Variants in SPRED2 observed in about 807,000 individuals in gnomAD.
SPRED2 encodes sprouty related EVH1 domain containing 2, also known as sprouty-related, EVH1 domain-containing protein 2.
A neutral mutation model predicts 43.0 loss-of-function variants in SPRED2; 47 were observed. The observed-to-expected ratio is 1.09, with a 90% CI of 0.87 to 1.40. SPRED2 has a LOEUF of 1.40. SPRED2 is among the 40% of genes most tolerant of loss of function. The pLI is 0.00. For synonymous variants in SPRED2, 225 were observed against 225.7 expected, an observed-to-expected ratio of 1.00 and a Z score of 0.03; for missense variants, 561 against 586.4, an observed-to-expected ratio of 0.96 and a Z score of 0.45.
At chr2:65,339,450 A>G (rs1194920084) in intron 2 of SPRED2, among the ~76,000 whole-genome samples, 3 of 151,378 alleles carry the variant, frequency 2.0e-5, no homozygotes, top group Non-Finnish European at 4.4e-5. Context: ...TCTCTGAAAC[A>G]TGTGCTGTGT....
intron 1 of SPRED2, among the ~76,000 whole-genome samples, chr2:65,407,707 C>T (rs141543982): frequency 1.1e-4 from 17 of 152,224 alleles, no homozygotes; most frequent in African/African-American, 3.9e-4. Flanking sequence ...CGTGGAGACG[C>T]GGTATCCACT....
At chr2:65,380,210 T>C (rs1306767496) in intron 1 of SPRED2, among the ~76,000 whole-genome samples, 2 of 152,344 alleles carry the variant, frequency 1.3e-5, no homozygotes, top group East Asian at 1.9e-4. Flanking sequence ...TCTCTGTTAC[T>C]GGTCCCATTT....
At position 65,313,428 on chromosome 2, in the gene SPRED2, G is replaced by C; in HGVS notation, c.*73C>G. On this transcript the variant is annotated 3_prime_UTR_variant, in exon 6 of 6. Transcript: ENST00000356388. Reference sequence around the variant, plus strand: ...GCTCCTTGGAGTGGAAGGGAGCGGGGGAGAAGATGAGAGTATGTAAGAGAC... The same window carrying C: ...GCTCCTTGGAGTGGAAGGGAGCGGGCGAGAAGATGAGAGTATGTAAGAGAC... 1 of 1,527,832 alleles carries C rather than the reference G, an allele frequency of 6.5e-7. No individual in the cohort carries two copies. Among genetic ancestry groups the C allele is most frequent in the Non-Finnish European group, 8.8e-7 (1 of 1,141,582 alleles). The allele number at this position is 1,527,832 out of a possible 1,614,324, so 94.6% of individuals were successfully genotyped here.
intron 1 of SPRED2, among the ~76,000 whole-genome samples, chr2:65,368,137 T>C (rs1675032014): frequency 6.6e-6 from 1 of 152,172 alleles, no homozygotes; most frequent in Non-Finnish European, 1.5e-5. Context: ...CCCTTAGTCC[T>C]GAAACTTAAA....
At chr2:65,376,808 G>A (rs562099710) in intron 1 of SPRED2, among the ~76,000 whole-genome samples, 2 of 152,078 alleles carry the variant, frequency 1.3e-5, no homozygotes, top group East Asian at 1.9e-4. Context: ...TCTGCCTCCC[G>A]GGTTTACGCC....
chr2:65,338,770 T>C (rs1156526852), intron 2 of SPRED2, among the ~76,000 whole-genome samples: 1 of 150,450 alleles, frequency 6.6e-6, no homozygotes, highest in African/African-American at 2.5e-5. Flanking sequence ...TCGTCTGGGA[T>C]GTGAGGAGCC....
chr2:65,366,325 A>AC (rs56270685), intron 1 of SPRED2, among the ~76,000 whole-genome samples: 3 of 151,234 alleles, frequency 2.0e-5, no homozygotes, highest in South Asian at 2.1e-4. Context: ...AACAACAACA[A>AC]AACATTTCTA....
At chr2:65,431,539 C>G (rs1464829856) in intron 1 of SPRED2, among the ~76,000 whole-genome samples, 1 of 152,126 alleles carries the variant, frequency 6.6e-6, no homozygotes, top group South Asian at 2.1e-4. Context: ...GGCTCCGGAG[C>G]GGACTGCAGG....
At chr2:65,417,427 T>C (rs7557569) in intron 1 of SPRED2, among the ~76,000 whole-genome samples, 68,346 of 151,854 alleles carry the variant, frequency 0.45, 16,441 homozygotes, top group African/African-American at 0.62. Context: ...AACCAAAGCT[T>C]AAGACCCCTA....
chr2:65,366,008 A>G (rs1572873209), intron 1 of SPRED2, among the ~76,000 whole-genome samples: 1 of 151,050 alleles, frequency 6.6e-6, no homozygotes, highest in African/African-American at 2.4e-5. Flanking sequence ...TGAATTCAGT[A>G]TGAGCAAATT....
chr2:65,412,831 A>T (rs1051128240), intron 1 of SPRED2, among the ~76,000 whole-genome samples: 2 of 152,198 alleles, frequency 1.3e-5, no homozygotes, highest in African/African-American at 4.8e-5. Flanking sequence ...CCACAGGAAG[A>T]TGGATTTGAA....
intron 4 of SPRED2, among the ~76,000 whole-genome samples, chr2:65,330,414 C>T (rs1456497317): frequency 1.3e-5 from 2 of 152,142 alleles, no homozygotes; most frequent in South Asian, 2.1e-4. Context: ...TCTAAGGGAT[C>T]GTAATGGTGG....
At chr2:65,377,448 T>TCCTTATCCTCCTC (rs1675267892) in intron 1 of SPRED2, among the ~76,000 whole-genome samples, 1 of 152,188 alleles carries the variant, frequency 6.6e-6, no homozygotes, top group Non-Finnish European at 1.5e-5. Flanking sequence ...CCATTCTCCA[T>TCCTTATCCTCCTC]CCTTATCCTC....
At chr2:65,389,359 T>C (rs966910252) in intron 1 of SPRED2, among the ~76,000 whole-genome samples, 1 of 152,168 alleles carries the variant, frequency 6.6e-6, no homozygotes. Context: ...AGTTAATTTT[T>C]CTACATTACT....
chr2:65,355,241 C>T (rs1479249070), intron 1 of SPRED2, among the ~76,000 whole-genome samples: 1 of 152,122 alleles, frequency 6.6e-6, no homozygotes, highest in Admixed American at 6.5e-5. Flanking sequence ...CTGTATCAGT[C>T]ACGTATCTGT....
chr2:65,317,036 C>G (rs749807635), intron 4 of SPRED2, among the ~76,000 whole-genome samples, 153 bp from the exon 5 acceptor site: 1 of 152,224 alleles, frequency 6.6e-6, no homozygotes, highest in African/African-American at 2.4e-5. Flanking sequence ...TTGGCTACAA[C>G]AGGAGGACCC....
rs776512353 is a variant in SPRED2 at position 65,401,937 on chromosome 2, G to GCGCGCGCGCACACACACACACA, written c.26+30024_26+30025insTGTGTGTGTGTGTGCGCGCGCG. On this transcript the variant is annotated intron_variant, in intron 1 of 5. Coordinates refer to ENST00000356388, the MANE Select transcript of SPRED2 (RefSeq NM_181784.3). The stretch of plus-strand genomic sequence containing the variant: ...ACGATCAGAATATTAGCGCGCGCGC[G>GCGCGCGCGCACACACACACACA]CACACACACACACACACACACACAC... Among the ~76,000 whole-genome samples the GCGCGCGCGCACACACACACACA allele has an allele frequency of 1.1e-4, 13 of 114,760 alleles. 1 individual carries two copies. In the South Asian group the frequency reaches 1.6e-3, roughly 14 times the overall value. 75.3% of individuals were successfully genotyped at this position (114,760 alleles called of 152,430 possible).
At chr2:65,339,967 A>G (rs1483191110) in intron 2 of SPRED2, among the ~76,000 whole-genome samples, 3 of 152,176 alleles carry the variant, frequency 2.0e-5, no homozygotes, top group African/African-American at 7.2e-5. Context: ...TATATTACAG[A>G]TTAAAAGCAG....
chr2:65,359,960 G>A (rs1415446091), intron 1 of SPRED2, among the ~76,000 whole-genome samples: 1 of 151,096 alleles, frequency 6.6e-6, no homozygotes, highest in East Asian at 1.9e-4. Flanking sequence ...AGCTACTCGG[G>A]AGCCTGGGGC....
Sources: gnomAD v4.1 joint callset for allele counts (sites outside exome capture counted in the v4.1 genomes callset) on GRCh38, gnomAD v4.1.1 for gene constraint, MANE v1.5 for transcripts, NCBI Gene and HGNC (gene_info 2026-07-23, HGNC 2026-07-21) for gene names.